The following KCNN2 variants were observed in gnomAD, a reference collection of about 807,000 sequenced individuals.
KCNN2 encodes small conductance calcium-activated potassium channel protein 2.
Under a neutral mutation model 55.5 loss-of-function variants are expected in KCNN2, and 24 were observed. The ratio of observed to expected loss-of-function variants is 0.43; its 90% CI spans 0.31 to 0.61. The LOEUF is 0.61. KCNN2 is among the 20% of genes least tolerant of loss of function. The pLI is 0.08. For missense variants in KCNN2, 754 were observed against 853.6 expected, an observed-to-expected ratio of 0.88 and a Z score of 1.45; for synonymous variants, 431 against 336.1, an observed-to-expected ratio of 1.28 and a Z score of -3.09.
chr5:114,363,358 C>G, intron 1 of KCNN2, 97 bp downstream of exon 1: 2 of 1,391,672 alleles, frequency 1.4e-6, no homozygotes, highest in Non-Finnish European at 1.9e-6. Context: ...TCCCTAGCCT[C>G]TCCGGGACGA....
chr5:114,216,416 C>T (rs1382882024), intron 1 of KCNN2, among the ~76,000 whole-genome samples: 6 of 152,086 alleles, frequency 3.9e-5, no homozygotes, highest in Admixed American at 3.9e-4. Context: ...AGTGTAATCC[C>T]TGAAACCATT....
chr5:114,369,760 G>A (rs1022632033), intron 2 of KCNN2, among the ~76,000 whole-genome samples: 9 of 152,134 alleles, frequency 5.9e-5, no homozygotes, highest in African/African-American at 1.9e-4. Flanking sequence ...TGGGTGTAAC[G>A]CTAAATAAAG....
chr5:114,464,979 C>CTAT (rs1224532428), intron 4 of KCNN2, among the ~76,000 whole-genome samples: 6 of 152,072 alleles, frequency 3.9e-5, no homozygotes, highest in Non-Finnish European at 1.5e-5. Context: ...ATAAATGATG[C>CTAT]TATTTATAAA....
intron 1 of KCNN2, among the ~76,000 whole-genome samples, chr5:114,119,562 A>G (rs1751785429): frequency 6.6e-6 from 1 of 151,928 alleles, no homozygotes; most frequent in East Asian, 1.9e-4. Flanking sequence ...GGCCCCTTCT[A>G]TTTTCTGTGA....
chr5:114,092,804 A>T (rs982381743), intron 1 of KCNN2, among the ~76,000 whole-genome samples: 1 of 152,106 alleles, frequency 6.6e-6, no homozygotes, highest in Non-Finnish European at 1.5e-5. Flanking sequence ...CCCTTTAGCC[A>T]TGGCTGGGTT....
intron 2 of KCNN2, among the ~76,000 whole-genome samples, chr5:114,382,842 G>C (rs1238867665): frequency 6.6e-6 from 1 of 152,214 alleles, no homozygotes; most frequent in Admixed American, 6.5e-5. Context: ...AGTTAAATCC[G>C]AGTGATTGGG....
intron 3 of KCNN2, among the ~76,000 whole-genome samples, chr5:114,410,392 A>C (rs998016402): frequency 6.6e-6 from 1 of 152,194 alleles, no homozygotes. Context: ...GCTGTGTTAC[A>C]CAAAGAAAGG....
intron 5 of KCNN2, chr5:114,486,667 C>T: frequency 9.0e-7 from 1 of 1,109,986 alleles, no homozygotes. Flanking sequence ...CAAGATTAAC[C>T]TTGGCCTCAT....
At chr5:114,269,519 T>C (rs550308006) in intron 2 of KCNN2, among the ~76,000 whole-genome samples, 10 of 150,198 alleles carry the variant, frequency 6.7e-5, no homozygotes, top group African/African-American at 1.5e-4. Context: ...TGGTGCTGGG[T>C]TGGGGGAATA....
chr5:114,159,161 T>G (rs1487594577), intron 1 of KCNN2, among the ~76,000 whole-genome samples: 2 of 152,220 alleles, frequency 1.3e-5, no homozygotes, highest in Non-Finnish European at 2.9e-5. Context: ...GCGCTTATTA[T>G]TTTGAGATAC....
chr5:114,150,653 T>G (rs900522762), intron 1 of KCNN2, among the ~76,000 whole-genome samples: 1 of 152,050 alleles, frequency 6.6e-6, no homozygotes, highest in African/African-American at 2.4e-5. Flanking sequence ...TGACAAGAAG[T>G]CAAATGGAAA....
At chr5:114,256,956 G>T (rs1448934826) in intron 2 of KCNN2, among the ~76,000 whole-genome samples, 1 of 152,110 alleles carries the variant, frequency 6.6e-6, no homozygotes, top group Non-Finnish European at 1.5e-5. Context: ...GTCCCAAAGA[G>T]ATTTTCCTAA....
At chr5:114,426,969 C>T (rs1759643149) in intron 3 of KCNN2, among the ~76,000 whole-genome samples, 1 of 152,164 alleles carries the variant, frequency 6.6e-6, no homozygotes, top group South Asian at 2.1e-4. Context: ...GAAAGTTTCA[C>T]ATTTTGTAGA....
intron 2 of KCNN2, among the ~76,000 whole-genome samples, chr5:114,293,044 A>G (rs1580700320): frequency 1.3e-5 from 2 of 152,136 alleles, no homozygotes; most frequent in Admixed American, 6.6e-5. Flanking sequence ...TTGATTTTGT[A>G]TCCTGAGACT....
chr5:114,340,139 C>A lies in KCNN2; in HGVS notation c.-184-20806C>A, dbSNP rs2150036187. Among the ~76,000 whole-genome samples, 2 of 151,644 alleles carry A rather than the reference C, an allele frequency of 1.3e-5. 1 individual carries two copies. The highest frequency in any genetic ancestry group is 4.8e-5 in the African/African-American group (2 of 41,384). On this transcript the variant is annotated intron_variant, in intron 2 of 10. Coordinates refer to the KCNN2 transcript ENST00000512097. ...ATAAAGTAGGAGTCAATTTTTTTTG[C>A]CAAAAAGATTAAAAATTTTAATTGA...
Position 114,241,832 on chromosome 5 carries a change from A to ATATG in KCNN2, c.-185+20270_-185+20271insGTAT, listed in dbSNP as rs1754648422. Among the ~76,000 whole-genome samples the ATATG allele has an allele frequency of 1.7e-5, 2 of 117,016 alleles. 1 individual carries two copies. Among genetic ancestry groups the ATATG allele is most frequent in the African/African-American group, 6.8e-5 (2 of 29,230 alleles). 76.8% of individuals were successfully genotyped at this position (117,016 alleles called of 152,430 possible). On this transcript the variant is annotated intron_variant, in intron 2 of 10. Transcript: ENST00000512097. ...TATATATATATATGTGTGTATATAT[A>ATATG]TATATATATATATGGAGTGTGAAGG...
chr5:114,377,113 A>G (rs1255078425), intron 2 of KCNN2, among the ~76,000 whole-genome samples: 1 of 152,134 alleles, frequency 6.6e-6, no homozygotes, highest in African/African-American at 2.4e-5. Flanking sequence ...TATCTCATTG[A>G]CTTTATTTTA....
intron 2 of KCNN2, among the ~76,000 whole-genome samples, chr5:114,266,693 A>G (rs1051854302): frequency 2.6e-5 from 4 of 152,200 alleles, no homozygotes; most frequent in African/African-American, 9.6e-5. Context: ...GCTGGTCTAC[A>G]AAAGATTGAG....
intron 2 of KCNN2, among the ~76,000 whole-genome samples, chr5:114,390,282 C>T (rs1758416125): frequency 6.6e-6 from 1 of 152,108 alleles, no homozygotes; most frequent in Non-Finnish European, 1.5e-5. Flanking sequence ...GGTTCCCCAT[C>T]TACTTGCAGA....
Sources: allele counts gnomAD v4.1 joint callset (sites outside exome capture counted in the v4.1 genomes callset), GRCh38; gene constraint gnomAD v4.1.1; transcripts MANE v1.5; gene names NCBI Gene and HGNC (gene_info 2026-07-23, HGNC 2026-07-21).